SIDT1: variants seen among roughly 807,000 people sequenced by gnomAD.
The protein encoded by SIDT1 is SID1 transmembrane family member 1.
In SIDT1, 101 loss-of-function variants were observed where a neutral mutation model predicts 107.5. That is an observed-to-expected ratio of 0.94 (90% CI 0.80 to 1.11). The LOEUF (loss-of-function observed/expected upper bound fraction) is 1.11, where lower values mean the gene tolerates loss of function less well. Among genes scored for constraint, SIDT1 ranks in the 50% least tolerant of loss-of-function variants. The probability of loss-of-function intolerance (pLI) is 0.00; values close to 1 mark genes in which losing one functional copy is unlikely to be tolerated. For missense variants in SIDT1, 1,076 were observed against 1,058.2 expected (o/e 1.02, Z -0.23); for synonymous variants, 395 against 398.2 (o/e 0.99, Z 0.10).
chr3:113,569,034 G>A lies in SIDT1; in HGVS notation c.515+1324G>A, dbSNP rs150067828. On this transcript the variant is annotated intron_variant, in intron 3 of 24. Transcript: ENST00000264852. ...AGGCGCCTGTTGTCCCAGCTAATCC[G>A]GAGGCTGAGGCAGGAGAATGCTTGA... 4.2e-3 allele frequency among the ~76,000 whole-genome samples: 635 copies of A among 151,386 alleles called. 3 individuals carry two copies. The highest frequency in any genetic ancestry group is 0.014 in the African/African-American group (588 of 41,238).
At chr3:113,539,416 A>G (rs1938549590) in intron 1 of SIDT1, among the ~76,000 whole-genome samples, 1 of 152,156 alleles carries the variant, frequency 6.6e-6, no homozygotes, top group Non-Finnish European at 1.5e-5. Context: ...GCAACCAGTC[A>G]TTTCTGCAGG....
At chr3:113,541,498 T>C (rs181433685) in intron 1 of SIDT1, among the ~76,000 whole-genome samples, 209 of 152,330 alleles carry the variant, frequency 1.4e-3, no homozygotes, top group African/African-American at 4.7e-3. Context: ...GTTCTAGTCC[T>C]TATGTTAATG....
At chr3:113,542,880 CTT>C (rs1165875326) in intron 1 of SIDT1, among the ~76,000 whole-genome samples, 1 of 150,182 alleles carries the variant, frequency 6.7e-6, no homozygotes, top group African/African-American at 2.5e-5. Flanking sequence ...TAGGAAGAGA[CTT>C]TTAATTAGTT....
chr3:113,585,121 TG>T lies in SIDT1; in HGVS notation c.908-54del, dbSNP rs1943647162. ...GCCCTTTAAGCCGTCCTGTCTCAGA[TG>T]GAGTCTTCTTTTCTGCAGAGGATGA... On this transcript the variant is annotated intron_variant, in intron 8 of 24. Coordinates refer to ENST00000264852, the MANE Select transcript of SIDT1 (RefSeq NM_017699.3). 8.2e-6 allele frequency: 10 copies of T among 1,221,494 alleles called. No homozygotes were observed. The South Asian group carries it at 1.1e-4, about 13-fold the overall frequency. The allele number at this position is 1,221,494 out of a possible 1,614,324, so 75.7% of individuals were successfully genotyped here. A position where few individuals can be genotyped will look rare whatever the true frequency, so the allele number is the denominator to read the frequency against.
chr3:113,552,612 A>G (rs887923316), intron 1 of SIDT1, among the ~76,000 whole-genome samples: 1 of 152,204 alleles, frequency 6.6e-6, no homozygotes, highest in Non-Finnish European at 1.5e-5. Flanking sequence ...CAGTCATGCC[A>G]CAGGAATGGT....
At chr3:113,597,048 C>T (rs897920377) in intron 10 of SIDT1, among the ~76,000 whole-genome samples, 1 of 152,178 alleles carries the variant, frequency 6.6e-6, no homozygotes, top group Admixed American at 6.5e-5. Context: ...TCCTAGATCT[C>T]TACTCTTCTT....
chr3:113,611,261 A>C, intron 18 of SIDT1, 117 bp downstream of exon 18: 1 of 1,175,016 alleles, frequency 8.5e-7, no homozygotes, highest in Non-Finnish European at 1.2e-6. Context: ...TCATGACACA[A>C]TTTCATCTCA....
Position 113,611,057 on chromosome 3 carries a change from T to C in SIDT1, c.1770T>C (p.Tyr590=). 6.2e-7 allele frequency: 1 copy of C among 1,614,114 alleles called. No individual in the cohort carries two copies. Among genetic ancestry groups the C allele is most frequent in the African/African-American group, 1.3e-5 (1 of 75,032 alleles). Residue 590 remains tyrosine, a synonymous_variant, in exon 18 of 25, where the codon TAT becomes TAC. Transcript: ENST00000264852. ...MIAGLCMLKL[Y]QTRHPDINAS... ...CTGGCCTGTGCATGCTGAAGCTCTA[T>C]CAGACCCGCCACCCAGACATCAATG... is the stretch of plus-strand genomic sequence containing the variant.
chr3:113,609,960 T>C (rs1274073562), intron 17 of SIDT1, among the ~76,000 whole-genome samples: 1 of 152,220 alleles, frequency 6.6e-6, no homozygotes, highest in Non-Finnish European at 1.5e-5. Flanking sequence ...CCTTCCCGGT[T>C]TGTTTTTATA....
chr3:113,630,417 G>T (rs1237368503), downstream of SIDT1, among the ~76,000 whole-genome samples: 3 of 152,148 alleles, frequency 2.0e-5, no homozygotes, highest in African/African-American at 7.2e-5. Flanking sequence ...CTCTATCTGG[G>T]GAAGGGACTT....
At chr3:113,582,235 G>A (rs1481472473) in intron 6 of SIDT1, among the ~76,000 whole-genome samples, 1 of 152,102 alleles carries the variant, frequency 6.6e-6, no homozygotes, top group Non-Finnish European at 1.5e-5. Context: ...ATGTATACAT[G>A]TCATGTAAGC....
At chr3:113,587,399 G>C (rs1943819408) in intron 9 of SIDT1, among the ~76,000 whole-genome samples, 1 of 152,158 alleles carries the variant, frequency 6.6e-6, no homozygotes, top group African/African-American at 2.4e-5. Flanking sequence ...CCAGGCTACA[G>C]GTGAATATTA....
intron 9 of SIDT1, among the ~76,000 whole-genome samples, chr3:113,591,210 G>C (rs1944124766): frequency 6.6e-6 from 1 of 152,162 alleles, no homozygotes; most frequent in Non-Finnish European, 1.5e-5. Context: ...CAGAAGTACA[G>C]CCCTGCTGAC....
At chr3:113,543,152 G>T (rs1362125323) in intron 1 of SIDT1, among the ~76,000 whole-genome samples, 7 of 151,934 alleles carry the variant, frequency 4.6e-5, no homozygotes, top group Non-Finnish European at 1.0e-4. Flanking sequence ...TTTTGGCCAG[G>T]TTGGTCTCCA....
chr3:113,558,983 T>C (rs1223739329), intron 1 of SIDT1, among the ~76,000 whole-genome samples: 1 of 152,280 alleles, frequency 6.6e-6, no homozygotes, highest in Non-Finnish European at 1.5e-5. Context: ...ATTTATCTTC[T>C]TGAGATTTAT....
chr3:113,636,931 C>T, the SIDT1 span, among the ~76,000 whole-genome samples: 1 of 152,124 alleles, frequency 6.6e-6, no homozygotes, highest in South Asian at 2.1e-4. Flanking sequence ...TTAACAACAG[C>T]CCTGTGAAGT....
intron 21 of SIDT1, among the ~76,000 whole-genome samples, chr3:113,622,230 C>T (rs1011335150): frequency 6.6e-6 from 1 of 151,664 alleles, no homozygotes; most frequent in Non-Finnish European, 1.5e-5. Flanking sequence ...TTTGGGAGGC[C>T]GAGGCAGGTG....
chr3:113,584,982 G>T (rs1418961962), intron 8 of SIDT1, among the ~76,000 whole-genome samples, 195 bp from the exon 9 acceptor site: 1 of 152,140 alleles, frequency 6.6e-6, no homozygotes, highest in African/African-American at 2.4e-5. Context: ...AGCTTCTACT[G>T]GGAAGTCATC....
At chr3:113,569,081 G>T (rs1376393125) in intron 3 of SIDT1, among the ~76,000 whole-genome samples, 6 of 143,036 alleles carry the variant, frequency 4.2e-5, no homozygotes, top group African/African-American at 1.6e-4. Flanking sequence ...GGAGGTTGCA[G>T]TGAGCCGAGA....
Sources: gnomAD v4.1 joint callset for allele counts (sites outside exome capture counted in the v4.1 genomes callset) on GRCh38, gnomAD v4.1.1 for gene constraint, MANE v1.5 for transcripts, NCBI Gene and HGNC (gene_info 2026-07-23, HGNC 2026-07-21) for gene names.